Variants in NEK10 observed in about 807,000 individuals in gnomAD.
NEK10 encodes the protein NIMA related kinase 10.
A neutral mutation model predicts 159.8 loss-of-function variants in NEK10; 122 were observed. The ratio of observed to expected loss-of-function variants is 0.76; its 90% CI spans 0.66 to 0.89. The LOEUF is 0.89. Among genes scored for constraint, NEK10 ranks in the 40% least tolerant of loss-of-function variants. The pLI, the probability that NEK10 is intolerant of heterozygous loss-of-function variation, is 0.00. For synonymous variants in NEK10, 466 were observed against 457.1 expected (o/e 1.02, Z -0.25); for missense variants, 1,342 against 1,323.1 (o/e 1.01, Z -0.22).
intron 23 of NEK10, among the ~76,000 whole-genome samples, chr3:27,242,786 A>G (rs1423723678): frequency 2.0e-5 from 3 of 152,242 alleles, no homozygotes; most frequent in Non-Finnish European, 4.4e-5. Flanking sequence ...ACTGAGGAAT[A>G]GATGTGGCCT....
At chr3:27,290,574 T>A (rs766268862) in intron 19 of NEK10, 43 bp downstream of exon 19, 17 of 1,436,502 alleles carry the variant, frequency 1.2e-5, no homozygotes, top group Non-Finnish European at 1.6e-5. Context: ...TGCAATGACA[T>A]GTATTTAAGA....
At chr3:27,236,195 A>G (rs1388346627) in intron 23 of NEK10, among the ~76,000 whole-genome samples, 1 of 152,122 alleles carries the variant, frequency 6.6e-6, no homozygotes, top group East Asian at 1.9e-4. Context: ...AAAATAACTA[A>G]TGGATGCTAA....
chr3:27,324,714 G>A (rs2045891932), intron 5 of NEK10, among the ~76,000 whole-genome samples: 1 of 152,130 alleles, frequency 6.6e-6, no homozygotes, highest in South Asian at 2.1e-4. Context: ...CATCTGCCAA[G>A]ATGATTCTTT....
chr3:27,204,514 GT>G (rs1950355551), intron 23 of NEK10, among the ~76,000 whole-genome samples: 2 of 122,620 alleles, frequency 1.6e-5, no homozygotes, highest in African/African-American at 6.3e-5. Flanking sequence ...CTGTGTCCCT[GT>G]GATCTCATTG....
At position 27,171,801 on chromosome 3, in the gene NEK10, A is replaced by C; in HGVS notation, c.2831+18T>G. The C allele has an allele frequency of 5.6e-6, 9 of 1,612,126 alleles. No homozygotes were observed. The highest frequency in any genetic ancestry group is 1.1e-5 in the South Asian group (1 of 90,548). ...TGCAAAATCAAAAAATATTTCTAGG[A>C]GTTCAATTTGCACCTACCTTGTTTG... On this transcript the variant is annotated intron_variant, in intron 29 of 35. Transcript: ENST00000691995.
At chr3:27,189,887 T>C (rs1246304712) in intron 26 of NEK10, among the ~76,000 whole-genome samples, 2 of 152,120 alleles carry the variant, frequency 1.3e-5, no homozygotes, top group African/African-American at 2.4e-5. Flanking sequence ...CTATGGTCCA[T>C]AAAAACCTGA....
rs1386760817 is a variant in NEK10 at position 27,108,657 on chromosome 3, A to C, written c.*2615T>G. Among the ~76,000 whole-genome samples the C allele has an allele frequency of 2.6e-5, 4 of 152,232 alleles. No individual in the cohort carries two copies. The highest frequency in any genetic ancestry group is 5.9e-5 in the Non-Finnish European group (4 of 68,044). ...AAAATTATACAAGAGAAAGGGAAAA[A>C]ATATATAAATGCAATCAAGAAAAGA... On this transcript the variant is annotated 3_prime_UTR_variant, in exon 36 of 36. Coordinates refer to ENST00000691995, the MANE Select transcript of NEK10 (RefSeq NM_001394966.1).
intron 23 of NEK10, among the ~76,000 whole-genome samples, chr3:27,226,653 A>G (rs1952677127): frequency 6.6e-6 from 1 of 152,194 alleles, no homozygotes; most frequent in South Asian, 2.1e-4. Context: ...CTCAACATTA[A>G]TAATTTACCA....
intron 32 of NEK10, among the ~76,000 whole-genome samples, chr3:27,131,485 T>C (rs954087444): frequency 1.3e-5 from 2 of 152,196 alleles, no homozygotes; most frequent in Admixed American, 6.5e-5. Context: ...TCAGCTTTCA[T>C]AGATAATAAA....
chr3:27,171,616 A>T (rs1345743411), intron 29 of NEK10, among the ~76,000 whole-genome samples: 1 of 152,150 alleles, frequency 6.6e-6, no homozygotes, highest in Non-Finnish European at 1.5e-5. Context: ...AAAAAGGCAG[A>T]GCTAGACTAA....
At chr3:27,278,813 C>T (rs2041948454) in intron 22 of NEK10, 5 of 985,304 alleles carry the variant, frequency 5.1e-6, no homozygotes, top group South Asian at 4.7e-5. Flanking sequence ...TACCAAATTC[C>T]CTCAAGAGTC....
chr3:27,160,093 C>A (rs1177767243), intron 30 of NEK10, among the ~76,000 whole-genome samples: 1 of 151,964 alleles, frequency 6.6e-6, no homozygotes, highest in Non-Finnish European at 1.5e-5. Flanking sequence ...AATGAAAATA[C>A]ACTAATATAA....
chr3:27,299,796 G>A (rs776922733), intron 13 of NEK10, among the ~76,000 whole-genome samples: 9 of 152,220 alleles, frequency 5.9e-5, no homozygotes, highest in Non-Finnish European at 1.3e-4. Flanking sequence ...TGACTGCCCT[G>A]CTGGATTCTG....
At chr3:27,277,123 T>C (rs2041829664) in intron 22 of NEK10, among the ~76,000 whole-genome samples, 1 of 152,108 alleles carries the variant, frequency 6.6e-6, no homozygotes, top group Admixed American at 6.5e-5. Flanking sequence ...CCACCTTGCC[T>C]CCCATCTTTG....
intron 1 of NEK10, among the ~76,000 whole-genome samples, chr3:27,354,981 C>T (rs1268402757): frequency 1.3e-5 from 2 of 152,002 alleles, no homozygotes; most frequent in Non-Finnish European, 2.9e-5. Flanking sequence ...TAAAGCAGAA[C>T]ATTGAAGCCA....
intron 23 of NEK10, among the ~76,000 whole-genome samples, chr3:27,227,232 C>T (rs760658595): frequency 2.6e-5 from 4 of 152,000 alleles, no homozygotes; most frequent in Non-Finnish European, 4.4e-5. Context: ...TGGAGTGATG[C>T]CCTTGAGGAA....
At chr3:27,302,435 T>A (rs1236877291) in intron 12 of NEK10, among the ~76,000 whole-genome samples, 3 of 152,160 alleles carry the variant, frequency 2.0e-5, no homozygotes, top group African/African-American at 7.2e-5. Context: ...GTTCTGTAGG[T>A]GTTATTCAGT....
At chr3:27,114,028 A>G (rs1384004655) in intron 35 of NEK10, among the ~76,000 whole-genome samples, 1 of 152,220 alleles carries the variant, frequency 6.6e-6, no homozygotes, top group African/African-American at 2.4e-5. Context: ...CATACTATCC[A>G]TGATAGTATG....
chr3:27,257,629 G>C (rs1246745982), intron 22 of NEK10, among the ~76,000 whole-genome samples: 2 of 152,052 alleles, frequency 1.3e-5, no homozygotes, highest in Admixed American at 6.6e-5. Context: ...AACACTCATA[G>C]CACTCTGAAA....
Sources: allele counts gnomAD v4.1 joint callset (sites outside exome capture counted in the v4.1 genomes callset), GRCh38; gene constraint gnomAD v4.1.1; transcripts MANE v1.5; gene names NCBI Gene and HGNC (gene_info 2026-07-23, HGNC 2026-07-21).